The following PACRG variants were observed in gnomAD, a reference collection of about 807,000 sequenced individuals.
PACRG encodes the protein parkin coregulated.
In PACRG, 29 loss-of-function variants were observed where a neutral mutation model predicts 29.7. The observed-to-expected ratio is 0.98, with a 90% CI of 0.73 to 1.33. PACRG has a LOEUF of 1.33. PACRG is among the 40% of genes most tolerant of loss of function. The probability of loss-of-function intolerance (pLI) is 0.00; values close to 1 mark genes in which losing one functional copy is unlikely to be tolerated. For synonymous variants in PACRG, 116 were observed against 118.7 expected (o/e 0.98, Z 0.15); for missense variants, 279 against 316.2 (o/e 0.88, Z 0.89).
At chr6:162,802,785 C>T (rs887850078) in intron 1 of PACRG, among the ~76,000 whole-genome samples, 2 of 151,840 alleles carry the variant, frequency 1.3e-5, no homozygotes, top group Admixed American at 1.3e-4. Flanking sequence ...TATTAAAAAA[C>T]AAAAACAAAA....
chr6:162,863,417 C>T (rs999060617), intron 2 of PACRG, among the ~76,000 whole-genome samples: 3 of 152,166 alleles, frequency 2.0e-5, no homozygotes, highest in African/African-American at 7.2e-5. Context: ...TTCAGAACAC[C>T]TTGTTACTAT....
At chr6:162,947,790 C>A (rs1317826444) in intron 2 of PACRG, among the ~76,000 whole-genome samples, 1 of 149,508 alleles carries the variant, frequency 6.7e-6, no homozygotes, top group African/African-American at 2.5e-5. Context: ...AGAAGGTAAT[C>A]CATTTACAAT....
At chr6:163,002,413 A>G (rs1409886297) in intron 2 of PACRG, among the ~76,000 whole-genome samples, 1 of 152,202 alleles carries the variant, frequency 6.6e-6, no homozygotes, top group Non-Finnish European at 1.5e-5. Context: ...TTCTAATGCT[A>G]TATATACAAA....
intron 4 of PACRG, among the ~76,000 whole-genome samples, chr6:163,260,858 C>G (rs980615110): frequency 8.5e-5 from 13 of 152,116 alleles, no homozygotes; most frequent in Non-Finnish European, 1.8e-4. Context: ...GGGGACACAG[C>G]GTGTTGGCCA....
chr6:162,922,232 A>G (rs1228985842), intron 2 of PACRG, among the ~76,000 whole-genome samples: 1 of 147,794 alleles, frequency 6.8e-6, no homozygotes, highest in Non-Finnish European at 1.5e-5. Flanking sequence ...CTTCCTGCCT[A>G]TGTTATTTCC....
intron 4 of PACRG, among the ~76,000 whole-genome samples, chr6:163,208,906 T>C (rs1781021290): frequency 6.6e-6 from 1 of 152,232 alleles, no homozygotes; most frequent in Admixed American, 6.5e-5. Flanking sequence ...CATTAGCTAA[T>C]GTGAAATGAT....
intron 4 of PACRG, among the ~76,000 whole-genome samples, chr6:163,295,341 C>A (rs1019981276): frequency 6.6e-6 from 1 of 152,146 alleles, no homozygotes; most frequent in Admixed American, 6.5e-5. Context: ...ATTACAAGGG[C>A]GACCATAAGG....
chr6:163,265,587 G>T (rs936460416), intron 4 of PACRG, among the ~76,000 whole-genome samples: 1 of 152,184 alleles, frequency 6.6e-6, no homozygotes, highest in African/African-American at 2.4e-5. Flanking sequence ...TAAGCATATA[G>T]TGTTAGCTGA....
intron 4 of PACRG, among the ~76,000 whole-genome samples, chr6:163,181,644 T>G (rs117974017): frequency 6.9e-6 from 1 of 144,816 alleles, no homozygotes; most frequent in African/African-American, 2.5e-5. Context: ...CAGACACATC[T>G]CCGGCCAACC....
chr6:162,758,245 C>A (rs1231443080), intron 1 of PACRG, among the ~76,000 whole-genome samples: 2 of 151,988 alleles, frequency 1.3e-5, no homozygotes, highest in Non-Finnish European at 2.9e-5. Flanking sequence ...TTAAAATGAA[C>A]TATTTGAAAT....
chr6:162,854,093 AT>A (rs1299377908), intron 2 of PACRG, among the ~76,000 whole-genome samples: 1 of 150,298 alleles, frequency 6.7e-6, no homozygotes, highest in East Asian at 1.9e-4. Flanking sequence ...TATAGTTTTT[AT>A]TTTGTATTTG....
chr6:163,132,842 C>T (rs1816792326), intron 4 of PACRG, among the ~76,000 whole-genome samples: 1 of 152,134 alleles, frequency 6.6e-6, no homozygotes, highest in Admixed American at 6.5e-5. Flanking sequence ...CTTCAAATAA[C>T]ATCAATTGGA....
At chr6:163,066,446 T>A (rs1310241045) in intron 3 of PACRG, among the ~76,000 whole-genome samples, 1 of 152,132 alleles carries the variant, frequency 6.6e-6, no homozygotes, top group African/African-American at 2.4e-5. Context: ...GAGGACAGTG[T>A]AGTGTGAAAA....
chr6:163,058,637 C>G (rs1012083445), intron 2 of PACRG, among the ~76,000 whole-genome samples: 13 of 152,126 alleles, frequency 8.5e-5, no homozygotes, highest in African/African-American at 2.9e-4. Flanking sequence ...TGGCTCACGC[C>G]TGTAATCCCA....
At chr6:163,140,687 A>T (rs1283207714) in intron 4 of PACRG, among the ~76,000 whole-genome samples, 1 of 152,218 alleles carries the variant, frequency 6.6e-6, no homozygotes, top group Non-Finnish European at 1.5e-5. Flanking sequence ...ACACAATAAA[A>T]ATTTAGAACA....
intron 2 of PACRG, 111 bp downstream of exon 2, chr6:162,814,392 A>C: frequency 7.3e-7 from 1 of 1,361,804 alleles, no homozygotes; most frequent in Non-Finnish European, 1.0e-6. Flanking sequence ...TTCTCAGCAC[A>C]TGGAAGATGG....
chr6:163,309,102 C>T (rs1049243430), intron 4 of PACRG, among the ~76,000 whole-genome samples: 5 of 152,186 alleles, frequency 3.3e-5, no homozygotes, highest in Admixed American at 1.3e-4. Flanking sequence ...CATGGCAAGG[C>T]GATTTCTGCA....
intron 4 of PACRG, among the ~76,000 whole-genome samples, chr6:163,185,557 A>G (rs1779879427): frequency 6.6e-6 from 1 of 152,216 alleles, no homozygotes; most frequent in Non-Finnish European, 1.5e-5. Context: ...ATTCGTTAAG[A>G]AAAAGAACAA....
intron 2 of PACRG, among the ~76,000 whole-genome samples, chr6:162,829,719 G>C (rs1471955043): frequency 6.6e-6 from 1 of 152,168 alleles, no homozygotes; most frequent in African/African-American, 2.4e-5. Flanking sequence ...AGATAAGGAT[G>C]TTCTTTTTCT....
Sources: allele counts gnomAD v4.1 joint callset (sites outside exome capture counted in the v4.1 genomes callset), GRCh38; gene constraint gnomAD v4.1.1; transcripts MANE v1.5; gene names NCBI Gene and HGNC (gene_info 2026-07-23, HGNC 2026-07-21).